SYT16: variants seen among roughly 807,000 people sequenced by gnomAD.
The protein encoded by SYT16 is synaptotagmin-16.
In SYT16, 42 loss-of-function variants were observed where a neutral mutation model predicts 61.4. The observed-to-expected ratio is 0.68, with a 90% CI of 0.53 to 0.89. The LOEUF (loss-of-function observed/expected upper bound fraction) is 0.89, where lower values mean the gene tolerates loss of function less well. Among genes scored for constraint, SYT16 ranks in the 40% least tolerant of loss-of-function variants. SYT16 has a pLI of 0.00. For synonymous variants in SYT16, 314 were observed against 302.3 expected (o/e 1.04, Z -0.40); for missense variants, 804 against 807.3 (o/e 1.00, Z 0.05).
At chr14:61,931,401 G>A (rs1280341025) in intron 1 of SYT16, among the ~76,000 whole-genome samples, 2 of 151,848 alleles carry the variant, frequency 1.3e-5, no homozygotes, top group Non-Finnish European at 1.5e-5. Flanking sequence ...TTTAAATTAT[G>A]TGATAGCATT....
intron 4 of SYT16, 73 bp downstream of exon 4, chr14:62,069,888 C>A: frequency 6.8e-7 from 1 of 1,460,252 alleles, no homozygotes. Context: ...ATTATTCACC[C>A]TCTGCACTCT....
intron 1 of SYT16, among the ~76,000 whole-genome samples, chr14:61,967,514 C>T (rs2140517910): frequency 2.0e-5 from 3 of 152,214 alleles, no homozygotes; most frequent in Middle Eastern, 6.8e-3. Context: ...TGCCTGTCTC[C>T]TAGCTTCTGG....
intron 5 of SYT16, among the ~76,000 whole-genome samples, chr14:62,080,198 G>C (rs2056657634): frequency 6.6e-6 from 1 of 152,232 alleles, no homozygotes; most frequent in South Asian, 2.1e-4. Flanking sequence ...GTGAGCCGAG[G>C]CTAGCAGCGT....
At chr14:61,960,135 C>A (rs1369584919) in intron 1 of SYT16, among the ~76,000 whole-genome samples, 1 of 152,088 alleles carries the variant, frequency 6.6e-6, no homozygotes, top group Non-Finnish European at 1.5e-5. Context: ...CTTTTTCATT[C>A]TTAAAGAACA....
intron 1 of SYT16, among the ~76,000 whole-genome samples, chr14:61,865,838 T>A (rs1437934704): frequency 6.6e-6 from 1 of 152,208 alleles, no homozygotes; most frequent in Admixed American, 6.5e-5. Context: ...ATCATTTACC[T>A]GTCCTTATTT....
chr14:62,029,243 C>G (rs2054217501), intron 3 of SYT16, among the ~76,000 whole-genome samples: 2 of 152,226 alleles, frequency 1.3e-5, no homozygotes, highest in Admixed American at 1.3e-4. Context: ...ATTCTTGTGC[C>G]TCAGCCTCCT....
intron 1 of SYT16, among the ~76,000 whole-genome samples, chr14:61,816,250 G>A (rs372828611): frequency 6.7e-6 from 1 of 149,022 alleles, no homozygotes; most frequent in Non-Finnish European, 1.5e-5. Context: ...TCCCCATCCT[G>A]TCTACTCCAT....
At chr14:61,982,271 G>T (rs1486322321) in intron 2 of SYT16, among the ~76,000 whole-genome samples, 1 of 152,064 alleles carries the variant, frequency 6.6e-6, no homozygotes, top group Non-Finnish European at 1.5e-5. Flanking sequence ...CAGCATGGGT[G>T]TATTAGTCCG....
At chr14:61,942,059 AATATT>A (rs1242673017) in intron 1 of SYT16, among the ~76,000 whole-genome samples, 1 of 152,204 alleles carries the variant, frequency 6.6e-6, no homozygotes, top group African/African-American at 2.4e-5. Context: ...CTCAACAATG[AATATT>A]ATATAATTTA....
intron 3 of SYT16, among the ~76,000 whole-genome samples, chr14:62,052,996 A>T (rs960118265): frequency 6.6e-6 from 1 of 152,196 alleles, no homozygotes; most frequent in African/African-American, 2.4e-5. Context: ...AATATCTACA[A>T]ATGTGAAGGC....
chr14:61,991,079 C>A (rs948995313), intron 2 of SYT16, among the ~76,000 whole-genome samples: 1 of 151,946 alleles, frequency 6.6e-6, no homozygotes, highest in African/African-American at 2.4e-5. Context: ...CTTAGATTGT[C>A]AGTTTATTCT....
At position 61,957,985 on chromosome 14, in the gene SYT16, T is replaced by C. The variant is rs117825377; in HGVS notation, c.-324-12147T>C. ...CTTCAATATCCTAATTTGTCATTGG[T>C]TTGTTCAGGCTTTCTGTTACTTCTT... On this transcript the variant is annotated intron_variant, in intron 1 of 7. Coordinates refer to ENST00000683842, the MANE Select transcript of SYT16 (RefSeq NM_001367656.1). Among the ~76,000 whole-genome samples the C allele has an allele frequency of 6.2e-4, 95 of 152,096 alleles. 3 individuals are homozygous for C. In the East Asian group the frequency reaches 0.018, roughly 29 times the overall value.
intron 1 of SYT16, among the ~76,000 whole-genome samples, chr14:61,828,167 C>T (rs1030918467): frequency 1.6e-4 from 24 of 152,140 alleles, no homozygotes; most frequent in Non-Finnish European, 2.9e-4. Context: ...ACCTTGCTGG[C>T]ACCTTGCTCT....
chr14:62,089,398 C>G (rs528110597), intron 7 of SYT16, among the ~76,000 whole-genome samples: 102 of 151,966 alleles, frequency 6.7e-4, no homozygotes, highest in African/African-American at 2.3e-3. Flanking sequence ...ACATCCATCA[C>G]AAGGGAAAGT....
chr14:62,096,240 C>T (rs1180529058), intron 7 of SYT16, among the ~76,000 whole-genome samples: 2 of 151,988 alleles, frequency 1.3e-5, no homozygotes, highest in East Asian at 3.9e-4. Flanking sequence ...AACATTTGTA[C>T]TGCAACTGAC....
At chr14:61,917,990 A>G (rs1007942885) in intron 1 of SYT16, among the ~76,000 whole-genome samples, 5 of 152,202 alleles carry the variant, frequency 3.3e-5, no homozygotes, top group African/African-American at 9.7e-5. Context: ...ATGATAAGAA[A>G]GCAAGGGTGT....
chr14:61,989,635 A>C (rs2052465362), intron 2 of SYT16, among the ~76,000 whole-genome samples: 2 of 152,130 alleles, frequency 1.3e-5, no homozygotes, highest in Non-Finnish European at 2.9e-5. Context: ...AAGAGTAGTG[A>C]TTTTCCTGAG....
chr14:61,927,413 C>G (rs1303433362), intron 1 of SYT16, among the ~76,000 whole-genome samples: 1 of 152,044 alleles, frequency 6.6e-6, no homozygotes, highest in Non-Finnish European at 1.5e-5. Context: ...TTTTATTAAC[C>G]AAAATATTTA....
At chr14:61,897,581 T>C (rs2048368087) in intron 1 of SYT16, among the ~76,000 whole-genome samples, 1 of 152,164 alleles carries the variant, frequency 6.6e-6, no homozygotes, top group Non-Finnish European at 1.5e-5. Context: ...ATGGCTTTTA[T>C]GAAGCCATCT....
Sources: gnomAD v4.1 joint callset for allele counts (sites outside exome capture counted in the v4.1 genomes callset) on GRCh38, gnomAD v4.1.1 for gene constraint, MANE v1.5 for transcripts, NCBI Gene and HGNC (gene_info 2026-07-23, HGNC 2026-07-21) for gene names.